The following ETV1 variants were observed in gnomAD, a reference collection of about 807,000 sequenced individuals.
ETV1 encodes the protein ETS translocation variant 1.
In ETV1, 27 loss-of-function variants were observed where a neutral mutation model predicts 62.3. The observed-to-expected ratio is 0.43, with a 90% CI of 0.32 to 0.60. The LOEUF (loss-of-function observed/expected upper bound fraction) is 0.60, where lower values mean the gene tolerates loss of function less well. ETV1 is among the 20% of genes least tolerant of loss of function. The pLI, the probability that ETV1 is intolerant of heterozygous loss-of-function variation, is 0.06. For missense variants in ETV1, 605 were observed against 605.8 expected (o/e 1.00, Z 0.01); for synonymous variants, 222 against 199.6 (o/e 1.11, Z -0.94).
chr7:13,972,627 G>A (rs985464765), intron 6 of ETV1, among the ~76,000 whole-genome samples: 7 of 152,086 alleles, frequency 4.6e-5, no homozygotes, highest in South Asian at 2.1e-4. Flanking sequence ...ACATCCTAAC[G>A]TAATTCTATT....
intron 10 of ETV1, among the ~76,000 whole-genome samples, chr7:13,910,748 A>G (rs1435085404): frequency 6.6e-6 from 1 of 152,214 alleles, no homozygotes; most frequent in African/African-American, 2.4e-5. Flanking sequence ...GGTTACCACA[A>G]GCCTGTCTAT....
rs1436692036 is a variant in ETV1 at position 13,894,544 on chromosome 7, C to T, written c.*1322G>A. ...ATATCACCAAAAGTTACAAAAGGTT[C>T]CACAGTTTCCTTTAGCAAGCTGAAG... On this transcript the variant is annotated 3_prime_UTR_variant, in exon 14 of 14. Coordinates refer to ENST00000430479, the MANE Select transcript of ETV1 (RefSeq NM_004956.5). 3.0e-5 allele frequency: 7 copies of T among 232,452 alleles called. No homozygotes were observed. The highest frequency in any genetic ancestry group is 5.6e-5 in the Admixed American group (1 of 17,748). The allele number at this position is 232,452 out of a possible 1,614,324, so 14.4% of individuals were successfully genotyped here. A position where few individuals can be genotyped will look rare whatever the true frequency, so the allele number is the denominator to read the frequency against.
chr7:13,926,914 A>C (rs1246671920), intron 9 of ETV1, among the ~76,000 whole-genome samples: 1 of 152,092 alleles, frequency 6.6e-6, no homozygotes, highest in East Asian at 1.9e-4. Context: ...TTTTATCTTA[A>C]ATATTAGGCA....
In ETV1 at chr7:13,931,698, C is replaced by A; in HGVS notation, c.606G>T (p.Thr202=). 1 of 1,613,946 alleles carries A rather than the reference C, an allele frequency of 6.2e-7. No homozygotes were observed. Among genetic ancestry groups the A allele is most frequent in the South Asian group, 1.1e-5 (1 of 91,072 alleles). Residue 202 remains threonine, a synonymous_variant, in exon 9 of 14, where the codon ACG becomes ACT. Transcript: ENST00000430479. Reference sequence around the variant, plus strand: ...ACATAGGACGTCCTTCCCTTGGCATCGTCGGCAAAGGAGGAAAGGAGTTAC... The same window carrying A: ...ACATAGGACGTCCTTCCCTTGGCATAGTCGGCAAAGGAGGAAAGGAGTTAC... The part of the protein sequence containing the change: ...EPCNSFPPLP[T]MPREGRPMYQ...
intron 4 of ETV1, 109 bp downstream of exon 4, chr7:13,987,977 A>G: frequency 1.5e-6 from 1 of 661,480 alleles, no homozygotes; most frequent in Non-Finnish European, 2.7e-6. Flanking sequence ...TAGATTCAGT[A>G]ATTTCAAAGT....
chr7:13,897,751 A>C (rs749765916), intron 13 of ETV1, among the ~76,000 whole-genome samples: 2 of 152,228 alleles, frequency 1.3e-5, no homozygotes, highest in Non-Finnish European at 2.9e-5. Context: ...AAATAGCACT[A>C]TCAGGAACAA....
At chr7:13,979,479 G>C (rs1392232458) in intron 5 of ETV1, among the ~76,000 whole-genome samples, 1 of 151,774 alleles carries the variant, frequency 6.6e-6, no homozygotes, top group South Asian at 2.1e-4. Context: ...TGTTCTAAAA[G>C]ATTCATAAAT....
At chr7:13,981,234 C>A (rs1781953095) in intron 5 of ETV1, among the ~76,000 whole-genome samples, 1 of 152,066 alleles carries the variant, frequency 6.6e-6, no homozygotes, top group African/African-American at 2.4e-5. Context: ...ATGTATGAGT[C>A]ATTCTTTCTG....
intron 11 of ETV1, among the ~76,000 whole-genome samples, chr7:13,909,239 G>C (rs1031238038): frequency 6.6e-6 from 1 of 151,934 alleles, no homozygotes; most frequent in Non-Finnish European, 1.5e-5. Flanking sequence ...AAAGAAGAGA[G>C]GCCGCGTTAG....
intron 9 of ETV1, among the ~76,000 whole-genome samples, chr7:13,921,774 C>G (rs1309074791): frequency 6.6e-6 from 1 of 152,114 alleles, no homozygotes; most frequent in African/African-American, 2.4e-5. Context: ...TTAACATAGG[C>G]AGGTGGGAGA....
At chr7:13,919,974 T>C (rs1784649591) in intron 9 of ETV1, among the ~76,000 whole-genome samples, 1 of 152,162 alleles carries the variant, frequency 6.6e-6, no homozygotes, top group African/African-American at 2.4e-5. Context: ...GTTCCACTTA[T>C]AAAAACAGTT....
At chr7:13,931,939 T>C (rs910564350) in intron 8 of ETV1, among the ~76,000 whole-genome samples, 190 bp from the exon 9 acceptor site, 8 of 152,068 alleles carry the variant, frequency 5.3e-5, no homozygotes, top group African/African-American at 1.5e-4. Flanking sequence ...TGACTTATAT[T>C]CCCTTTCTAA....
chr7:13,984,584 T>C (rs1166138875), intron 5 of ETV1, among the ~76,000 whole-genome samples: 1 of 152,024 alleles, frequency 6.6e-6, no homozygotes, highest in Non-Finnish European at 1.5e-5. Context: ...ATTAGATAAA[T>C]TAACGTAAAC....
chr7:13,984,368 A>G (rs1030100187), intron 5 of ETV1, among the ~76,000 whole-genome samples: 1 of 151,974 alleles, frequency 6.6e-6, no homozygotes, highest in African/African-American at 2.4e-5. Context: ...TCTCACTACA[A>G]ATAAACTAGG....
chr7:13,981,676 A>G (rs901292118), intron 5 of ETV1, among the ~76,000 whole-genome samples: 1 of 152,082 alleles, frequency 6.6e-6, no homozygotes, highest in Non-Finnish European at 1.5e-5. Flanking sequence ...AAGGGAAAAG[A>G]AAAACCATTA....
intron 6 of ETV1, among the ~76,000 whole-genome samples, chr7:13,968,315 C>G (rs1327801111): frequency 6.6e-6 from 1 of 151,810 alleles, no homozygotes. Context: ...ATATTTTTAG[C>G]TTTCATCTTT....
intron 5 of ETV1, among the ~76,000 whole-genome samples, chr7:13,978,640 CTT>C (rs895595221): frequency 9.2e-5 from 14 of 151,820 alleles, no homozygotes; most frequent in African/African-American, 3.1e-4. Context: ...TAAACAGTCT[CTT>C]TTGAAAATGC....
rs551183264 is a variant in ETV1, at chr7:13,935,080, T to C, written c.554+628A>G. 3.7e-4 allele frequency among the ~76,000 whole-genome samples: 57 copies of C among 152,330 alleles called. No homozygotes were observed. The South Asian group carries it at 0.012, about 31-fold the overall frequency. ...TGAATTTCTTAATCTCAAGGAGTCA[T>C]GAATTACCTAACGCAGTATTCTCCT... On this transcript the variant is annotated intron_variant, in intron 8 of 13. Coordinates refer to ENST00000430479, the MANE Select transcript of ETV1 (RefSeq NM_004956.5).
intron 6 of ETV1, among the ~76,000 whole-genome samples, chr7:13,960,437 A>T (rs1199417449): frequency 6.6e-6 from 1 of 152,184 alleles, no homozygotes; most frequent in African/African-American, 2.4e-5. Context: ...TCTTCAGACA[A>T]GATACCTCAT....
Sources: gnomAD v4.1 joint callset for allele counts (sites outside exome capture counted in the v4.1 genomes callset) on GRCh38, gnomAD v4.1.1 for gene constraint, MANE v1.5 for transcripts, NCBI Gene and HGNC (gene_info 2026-07-23, HGNC 2026-07-21) for gene names.